The following ATP5F1E variants were observed in gnomAD, a reference collection of about 807,000 sequenced individuals.
ATP5F1E encodes the protein ATP synthase F1 subunit epsilon, also known as ATP synthase F(1) complex subunit epsilon, mitochondrial.
A neutral mutation model predicts 7.0 loss-of-function variants in ATP5F1E; 5 were observed. That is an observed-to-expected ratio of 0.71 (90% confidence interval 0.37 to 1.49). The LOEUF is 1.49. Among genes scored for constraint, ATP5F1E ranks in the 40% most tolerant of loss-of-function variants. ATP5F1E has a pLI of 0.03. For missense variants in ATP5F1E, 59 were observed against 57.1 expected (o/e 1.03, Z -0.11); for synonymous variants, 20 against 20.1 (o/e 0.99, Z 0.02).
chr20:59,028,940 A>G (rs1178999235), intron 2 of ATP5F1E, 99 bp from the exon 3 acceptor site: 1 of 162,118 alleles, frequency 6.2e-6, no homozygotes, highest in Non-Finnish European at 1.5e-5. Flanking sequence ...AGTGAACTGT[A>G]TAACTGTGGC....
rs1191245175 is a variant in ATP5F1E, at chr20:59,028,273, G to A, written c.*572C>T. Reference sequence around the variant, plus strand: ...TATAAAGATTCATTTACAAAACAATGTGAAAAACACTTTGTGCTTAAATTC... The same window carrying A: ...TATAAAGATTCATTTACAAAACAATATGAAAAACACTTTGTGCTTAAATTC... On this transcript the variant is annotated 3_prime_UTR_variant, in exon 3 of 3. Coordinates refer to ENST00000243997, the MANE Select transcript of ATP5F1E (RefSeq NM_006886.4). 6.6e-6 allele frequency: 1 copy of A among 152,142 alleles called. No individual in the cohort carries two copies. The highest frequency in any genetic ancestry group is 2.4e-5 in the African/African-American group (1 of 41,418). 9.4% of individuals were successfully genotyped at this position (152,142 alleles called of 1,614,324 possible). A position where few individuals can be genotyped will look rare whatever the true frequency, so the allele number is the denominator to read the frequency against.
At chr20:59,030,888 G>A (rs1350707624) in intron 1 of ATP5F1E, among the ~76,000 whole-genome samples, 1 of 152,130 alleles carries the variant, frequency 6.6e-6, no homozygotes, top group Non-Finnish European at 1.5e-5. Context: ...AAAACAATTC[G>A]TTCTAAATTA....
At chr20:59,030,511 C>T in intron 1 of ATP5F1E, 82 bp from the exon 2 acceptor site, 2 of 1,559,194 alleles carry the variant, frequency 1.3e-6, no homozygotes, top group Admixed American at 1.7e-5. Context: ...GCTTTTCTTC[C>T]TGTACTTTTT....
rs749344524 is a variant in ATP5F1E, at chr20:59,025,838, C to CT, written c.*3006dup. The CT allele has an allele frequency of 2.0e-5, 3 of 152,226 alleles. No homozygotes were observed. The highest frequency in any genetic ancestry group is 4.8e-5 in the African/African-American group (2 of 41,460). 9.4% of individuals were successfully genotyped at this position (152,226 alleles called of 1,614,324 possible). A position where few individuals can be genotyped will look rare whatever the true frequency, so the allele number is the denominator to read the frequency against. Reference sequence around the variant, plus strand: ...CATAAATGTTTGCATAATGACATAGCTTTAAGCACTACATGATTTTAATCT... The same window carrying CT: ...CATAAATGTTTGCATAATGACATAGCTTTTAAGCACTACATGATTTTAATCT... On this transcript the variant is annotated 3_prime_UTR_variant, in exon 3 of 3. Transcript: ENST00000243997.
rs959131464 is a variant in ATP5F1E at position 59,026,292 on chromosome 20, A to G, written c.*2553T>C. The G allele has an allele frequency of 1.3e-5, 2 of 152,232 alleles. No individual in the cohort carries two copies. The highest frequency in any genetic ancestry group is 4.8e-5 in the African/African-American group (2 of 41,454). 9.4% of individuals were successfully genotyped at this position (152,232 alleles called of 1,614,324 possible). On this transcript the variant is annotated 3_prime_UTR_variant, in exon 3 of 3. Coordinates refer to ENST00000243997, the MANE Select transcript of ATP5F1E (RefSeq NM_006886.4). ...CTATTTACAAACTTCAAAAAACACA[A>G]AACAACATTCATGTTTTAAATGCTT... is the stretch of plus-strand genomic sequence containing the variant.
At chr20:59,031,313 G>A (rs1246409481) in intron 1 of ATP5F1E, among the ~76,000 whole-genome samples, 1 of 152,176 alleles carries the variant, frequency 6.6e-6, no homozygotes, top group African/African-American at 2.4e-5. Flanking sequence ...TGATAGCTGG[G>A]AGGAGGAAAA....
intron 2 of ATP5F1E, 125 bp from the exon 3 acceptor site, chr20:59,028,966 C>T (rs1345285639): frequency 6.3e-6 from 1 of 157,522 alleles, no homozygotes; most frequent in Non-Finnish European, 1.5e-5. Context: ...TTCACATTGC[C>T]GTGGCTCAGA....
chr20:59,030,262 C>CT (rs757347378), intron 2 of ATP5F1E, 41 bp downstream of exon 2: 1 of 1,609,032 alleles, frequency 6.2e-7, no homozygotes, highest in South Asian at 1.1e-5. Context: ...GCTCCAAAAA[C>CT]TTAAGATGCA....
At chr20:59,031,616 T>C (rs2092030537) in intron 1 of ATP5F1E, among the ~76,000 whole-genome samples, 1 of 152,244 alleles carries the variant, frequency 6.6e-6, no homozygotes, top group African/African-American at 2.4e-5. Context: ...TGAGACACCA[T>C]GTCCTCAAGT....
intron 1 of ATP5F1E, 62 bp from the exon 2 acceptor site, chr20:59,030,491 CTG>C (rs2092020334): frequency 6.3e-7 from 1 of 1,599,674 alleles, no homozygotes; most frequent in Non-Finnish European, 8.5e-7. Flanking sequence ...ACAGCTGTTA[CTG>C]TGTTTTCGCT....
chr20:59,031,648 C>T (rs1346530069), intron 1 of ATP5F1E, among the ~76,000 whole-genome samples: 2 of 152,164 alleles, frequency 1.3e-5, no homozygotes, highest in Non-Finnish European at 2.9e-5. Context: ...TTGAGCTTTC[C>T]AGGAGCCACC....
chr20:59,028,669 A>G lies in ATP5F1E; in HGVS notation c.*176T>C, dbSNP rs2092007151. 1 of 167,172 alleles carries G rather than the reference A, an allele frequency of 6.0e-6. No individual in the cohort carries two copies. Among genetic ancestry groups the G allele is most frequent in the African/African-American group, 2.4e-5 (1 of 41,472 alleles). 10.4% of individuals were successfully genotyped at this position (167,172 alleles called of 1,614,324 possible). On this transcript the variant is annotated 3_prime_UTR_variant, in exon 3 of 3. Coordinates refer to ENST00000243997, the MANE Select transcript of ATP5F1E (RefSeq NM_006886.4). ...TTTAAAGAAAATGAAAAAGTCTCAC[A>G]AACTAAAATCAAGAGTAACAGTGAA...
At position 59,026,626 on chromosome 20, in the gene ATP5F1E, CTAAA is replaced by C. The variant is rs1377724148; in HGVS notation, c.*2215_*2218del. On this transcript the variant is annotated 3_prime_UTR_variant, in exon 3 of 3. Transcript: ENST00000243997. ...AATGGCAAAATTGCTTTATTTCAGACTAAATAAATTCCTTTTCTTGAAGCCTAAC... is the reference window on the plus strand; with the variant it reads ...AATGGCAAAATTGCTTTATTTCAGACTAAATTCCTTTTCTTGAAGCCTAAC... The C allele has an allele frequency of 1.3e-5, 2 of 152,186 alleles. No homozygotes were observed. Among genetic ancestry groups the C allele is most frequent in the Non-Finnish European group, 2.9e-5 (2 of 68,032 alleles). The allele number at this position is 152,186 out of a possible 1,614,324, so 9.4% of individuals were successfully genotyped here.
intron 1 of ATP5F1E, among the ~76,000 whole-genome samples, 187 bp from the exon 2 acceptor site, chr20:59,030,616 T>C (rs936242332): frequency 1.3e-5 from 2 of 152,174 alleles, no homozygotes; most frequent in South Asian, 2.1e-4. Context: ...TAGAAAAAAA[T>C]GTACCAAAGT....
At chr20:59,031,365 T>G (rs578262038) in intron 1 of ATP5F1E, among the ~76,000 whole-genome samples, 21 of 152,312 alleles carry the variant, frequency 1.4e-4, no homozygotes, top group Admixed American at 7.8e-4. Flanking sequence ...GGTTGCCTAA[T>G]AAACGGTATC....
intron 1 of ATP5F1E, among the ~76,000 whole-genome samples, chr20:59,031,107 T>C (rs1024273187): frequency 6.6e-6 from 1 of 152,202 alleles, no homozygotes; most frequent in African/African-American, 2.4e-5. Context: ...TTCCCACTTT[T>C]GAAAAACAGG....
chr20:59,029,594 T>C (rs1226096328), intron 2 of ATP5F1E: 2 of 152,266 alleles, frequency 1.3e-5, no homozygotes, highest in Non-Finnish European at 2.9e-5. Flanking sequence ...TTGCCTACTT[T>C]TGAAATAACA....
At position 59,032,082 on chromosome 20, in the gene ATP5F1E, T is replaced by A. The variant is rs1261343894; in HGVS notation, c.32+138A>T. On this transcript the variant is annotated intron_variant, in intron 1 of 2. Transcript: ENST00000243997. ...GAGCGCTTTGCCCACAGCGACGCCATCTTGGCGGCGACGCCCGAGGCTTGG... is the reference window on the plus strand; with the variant it reads ...GAGCGCTTTGCCCACAGCGACGCCAACTTGGCGGCGACGCCCGAGGCTTGG... 4.9e-6 allele frequency: 6 copies of A among 1,234,810 alleles called. No individual in the cohort carries two copies. In the African/African-American group the frequency reaches 9.2e-5, roughly 19 times the overall value. 76.5% of individuals were successfully genotyped at this position (1,234,810 alleles called of 1,614,324 possible). A position where few individuals can be genotyped will look rare whatever the true frequency, so the allele number is the denominator to read the frequency against.
Position 59,032,230 on chromosome 20 carries a change from C to A in ATP5F1E, c.22G>T (p.Ala8Ser). ...GAGGCCTGGGCCTACCTGAGTCCAG[C>A]CTGTCTCCAGTAGGCCACCATGCTG... is the stretch of plus-strand genomic sequence containing the variant. MVAYWRQ[A>S]GLSYIRYSQI... The change falls in exon 1 of 3, where the codon GCT (alanine) becomes TCT (serine). Residue 8 changes from alanine (A) to serine (S), a missense_variant. Coordinates refer to ENST00000243997, the MANE Select transcript of ATP5F1E (RefSeq NM_006886.4). The A allele has an allele frequency of 6.3e-7, 1 of 1,594,656 alleles. No homozygotes were observed. Among genetic ancestry groups the A allele is most frequent in the South Asian group, 1.1e-5 (1 of 87,978 alleles).
Sources: gnomAD v4.1 joint callset for allele counts (sites outside exome capture counted in the v4.1 genomes callset) on GRCh38, gnomAD v4.1.1 for gene constraint, MANE v1.5 for transcripts, NCBI Gene and HGNC (gene_info 2026-07-23, HGNC 2026-07-21) for gene names.